IGF2BP3: variants seen among roughly 807,000 people sequenced by gnomAD.
The protein encoded by IGF2BP3 is insulin-like growth factor 2 mRNA-binding protein 3.
Under a neutral mutation model 73.8 loss-of-function variants are expected in IGF2BP3, and 9 were observed. The ratio of observed to expected loss-of-function variants is 0.12; its 90% CI spans 0.07 to 0.21. The LOEUF (loss-of-function observed/expected upper bound fraction) is 0.21, where lower values mean the gene tolerates loss of function less well. IGF2BP3 is among the 10% of genes least tolerant of loss of function. The probability of loss-of-function intolerance (pLI) is 1.00; values close to 1 mark genes in which losing one functional copy is unlikely to be tolerated. For synonymous variants in IGF2BP3, 258 were observed against 256.7 expected (o/e 1.01, Z -0.05); for missense variants, 542 against 714.0 (o/e 0.76, Z 2.75).
chr7:23,441,238 C>T (rs1292746515), intron 2 of IGF2BP3, among the ~76,000 whole-genome samples: 3 of 152,036 alleles, frequency 2.0e-5, no homozygotes, highest in Non-Finnish European at 4.4e-5. Context: ...TCAAGACCAG[C>T]CTGGGCAATA....
intron 2 of IGF2BP3, among the ~76,000 whole-genome samples, chr7:23,455,391 G>A (rs1019250352): frequency 2.6e-5 from 4 of 152,134 alleles, no homozygotes; most frequent in African/African-American, 9.7e-5. Flanking sequence ...TCCCTCCTGG[G>A]TGCACACGGT....
chr7:23,364,491 T>C (rs1240439499), intron 3 of IGF2BP3, among the ~76,000 whole-genome samples: 1 of 128,884 alleles, frequency 7.8e-6, no homozygotes, highest in Admixed American at 1.0e-4. Flanking sequence ...GAGATTGCAG[T>C]GAGCTGAGAG....
intron 2 of IGF2BP3, among the ~76,000 whole-genome samples, chr7:23,464,877 T>G (rs1788528743): frequency 6.6e-6 from 1 of 152,100 alleles, no homozygotes; most frequent in African/African-American, 2.4e-5. Context: ...CGCTAAATCA[T>G]GAGGAAGTTT....
At chr7:23,322,131 G>A (rs552822842) in intron 10 of IGF2BP3, among the ~76,000 whole-genome samples, 2 of 152,272 alleles carry the variant, frequency 1.3e-5, no homozygotes, top group African/African-American at 2.4e-5. Flanking sequence ...GTGAGCTACG[G>A]GAGGAAATTC....
At chr7:23,400,887 C>A (rs891006698) in intron 3 of IGF2BP3, among the ~76,000 whole-genome samples, 9 of 152,222 alleles carry the variant, frequency 5.9e-5, no homozygotes, top group Non-Finnish European at 1.2e-4. Context: ...GCAGTATCCA[C>A]CTCCTGGGTT....
chr7:23,375,346 T>C (rs1413423332), intron 3 of IGF2BP3, among the ~76,000 whole-genome samples: 1 of 152,114 alleles, frequency 6.6e-6, no homozygotes, highest in East Asian at 1.9e-4. Context: ...ATTGATCTGC[T>C]ATCTTTCTTT....
intron 2 of IGF2BP3, among the ~76,000 whole-genome samples, chr7:23,423,462 C>T (rs1787408376): frequency 6.6e-6 from 1 of 152,114 alleles, no homozygotes; most frequent in Non-Finnish European, 1.5e-5. Flanking sequence ...ATTACCAAGT[C>T]ATTAAAGTTC....
chr7:23,312,632 TA>T, intron 14 of IGF2BP3, 102 bp downstream of exon 14: 1 of 958,354 alleles, frequency 1.0e-6, no homozygotes, highest in Non-Finnish European at 1.6e-6. Flanking sequence ...TGAAAAGTCT[TA>T]AGCATCAAAC....
chr7:23,464,135 A>G (rs10950947), intron 2 of IGF2BP3, among the ~76,000 whole-genome samples: 58,511 of 152,078 alleles, frequency 0.38, 12,114 homozygotes, highest in African/African-American at 0.52. Flanking sequence ...GCATTGAAGG[A>G]TCATGTGCCC....
chr7:23,362,999 C>G (rs1283868845), intron 3 of IGF2BP3, among the ~76,000 whole-genome samples: 2 of 152,134 alleles, frequency 1.3e-5, no homozygotes, highest in Non-Finnish European at 2.9e-5. Flanking sequence ...AAGGGATCCT[C>G]CTGCCCTGGC....
chr7:23,353,799 G>A (rs1212154401), intron 5 of IGF2BP3, among the ~76,000 whole-genome samples: 1 of 152,164 alleles, frequency 6.6e-6, no homozygotes, highest in African/African-American at 2.4e-5. Context: ...ATGACAGAAC[G>A]TTAAGTTAAC....
chr7:23,387,265 C>A (rs1165717236), intron 3 of IGF2BP3, among the ~76,000 whole-genome samples: 3 of 152,110 alleles, frequency 2.0e-5, no homozygotes, highest in South Asian at 2.1e-4. Context: ...CAAGTTCCAA[C>A]TGAGGGTCAT....
At chr7:23,363,287 C>T (rs1217302987) in intron 3 of IGF2BP3, among the ~76,000 whole-genome samples, 3 of 152,302 alleles carry the variant, frequency 2.0e-5, no homozygotes, top group Non-Finnish European at 4.4e-5. Context: ...CTCACTGTCA[C>T]CTATGCTGGA....
chr7:23,340,521 A>C (rs1784681091), intron 10 of IGF2BP3, among the ~76,000 whole-genome samples: 1 of 152,220 alleles, frequency 6.6e-6, no homozygotes, highest in Non-Finnish European at 1.5e-5. Flanking sequence ...GTAGTAATAC[A>C]GTGGAATCAC....
intron 8 of IGF2BP3, 132 bp from the exon 9 acceptor site, chr7:23,343,985 AT>A (rs1364429669): frequency 1.6e-5 from 13 of 793,784 alleles, no homozygotes; most frequent in Non-Finnish European, 2.2e-5. Flanking sequence ...GTAAAACATG[AT>A]GGGAAATGAG....
At chr7:23,363,773 G>A (rs1785292354) in intron 3 of IGF2BP3, among the ~76,000 whole-genome samples, 1 of 152,196 alleles carries the variant, frequency 6.6e-6, no homozygotes, top group Non-Finnish European at 1.5e-5. Flanking sequence ...TTCATAGGAG[G>A]AAATCCTGGT....
intron 3 of IGF2BP3, among the ~76,000 whole-genome samples, chr7:23,391,662 A>G (rs1786281723): frequency 6.6e-6 from 1 of 152,234 alleles, no homozygotes; most frequent in Non-Finnish European, 1.5e-5. Context: ...ATCAAGTATC[A>G]CCAAAGGCAG....
chr7:23,445,152 A>C (rs1418796768), intron 2 of IGF2BP3, among the ~76,000 whole-genome samples: 1 of 152,244 alleles, frequency 6.6e-6, no homozygotes, highest in Non-Finnish European at 1.5e-5. Context: ...TCACATATAC[A>C]TGTAAATTTT....
At chr7:23,448,534 C>T (rs1788118388) in intron 2 of IGF2BP3, among the ~76,000 whole-genome samples, 3 of 152,154 alleles carry the variant, frequency 2.0e-5, no homozygotes, top group African/African-American at 2.4e-5. Flanking sequence ...TCCCAAGTAG[C>T]TGGGACTACA....
Sources: gnomAD v4.1 joint callset for allele counts (sites outside exome capture counted in the v4.1 genomes callset) on GRCh38, gnomAD v4.1.1 for gene constraint, MANE v1.5 for transcripts, NCBI Gene and HGNC (gene_info 2026-07-23, HGNC 2026-07-21) for gene names.